RELA: variants seen among roughly 807,000 people sequenced by gnomAD.
RELA encodes transcription factor p65.
RELA carries 14 observed loss-of-function variants against 56.7 expected under a neutral mutation model. The ratio of observed to expected loss-of-function variants is 0.25; its 90% confidence interval spans 0.16 to 0.39. RELA has a LOEUF of 0.39. Among genes scored for constraint, RELA ranks in the 10% least tolerant of loss-of-function variants. The probability of loss-of-function intolerance (pLI) is 1.00; values close to 1 mark genes in which losing one functional copy is unlikely to be tolerated. For synonymous variants in RELA, 315 were observed against 289.7 expected (o/e 1.09, Z -0.89); for missense variants, 559 against 736.4 (o/e 0.76, Z 2.79).
intron 5 of RELA, 134 bp from the exon 6 acceptor site, chr11:65,659,931 A>T: frequency 7.9e-7 from 1 of 1,266,276 alleles, no homozygotes; most frequent in Non-Finnish European, 1.1e-6. Flanking sequence ...GGCAGAACCC[A>T]GCACTGACTC....
Position 65,654,155 on chromosome 11 carries a change from T to C in RELA, c.*223A>G, listed in dbSNP as rs1856353264. On this transcript the variant is annotated 3_prime_UTR_variant, in exon 11 of 11. Transcript: ENST00000406246. ...GGGGAAAAGTTTGAGTTTCCCCAGC[T>C]CCCCCCTTTCCAGAGAAGTTAATGC... is the stretch of plus-strand genomic sequence containing the variant. 5 of 644,552 alleles carry C rather than the reference T, an allele frequency of 7.8e-6. No homozygotes were observed. The South Asian group carries it at 8.2e-5, about 11-fold the overall frequency. The allele number at this position is 644,552 out of a possible 1,614,324, so 39.9% of individuals were successfully genotyped here. A position where few individuals can be genotyped will look rare whatever the true frequency, so the allele number is the denominator to read the frequency against.
At chr11:65,655,378 G>A (rs1022299685) in intron 10 of RELA, 3 of 576,918 alleles carry the variant, frequency 5.2e-6, no homozygotes. Context: ...TTTGAGCCTC[G>A]CACAGGCACA....
Position 65,658,542 on chromosome 11 carries a change from C to G in RELA, c.665-43G>C. The G allele has an allele frequency of 3.3e-6, 5 of 1,507,808 alleles. No homozygotes were observed. The highest frequency in any genetic ancestry group is 4.6e-6 in the Non-Finnish European group (5 of 1,097,136). 93.4% of individuals were successfully genotyped at this position (1,507,808 alleles called of 1,614,324 possible). The stretch of plus-strand genomic sequence containing the variant: ...GCAGTGTGGGTCAGTGTGTCTAACC[C>G]TCCATGGTCTCCCCCTCAACTTCTG... On this transcript the variant is annotated intron_variant, in intron 7 of 10. Coordinates refer to ENST00000406246, the MANE Select transcript of RELA (RefSeq NM_021975.4). The surrounding 1 kb of genome is among the most constrained non-coding windows in gnomAD (Gnocchi z 4.5).
intron 8 of RELA, among the ~76,000 whole-genome samples, chr11:65,657,511 T>C (rs1231830550): frequency 6.6e-6 from 1 of 152,144 alleles, no homozygotes; most frequent in Non-Finnish European, 1.5e-5. Context: ...CCCTCCAATC[T>C]CTGAGCCTGC....
In RELA at chr11:65,655,747, C is replaced by A. The variant is rs762060621; in HGVS notation, c.974G>T (p.Arg325Leu). Residue 325 changes from arginine (R) to leucine (L), a missense_variant, in exon 10 of 11, where the codon CGG becomes CTG. By Grantham distance (102) the Arg-to-Leu change is moderately radical. Coordinates refer to ENST00000406246, the MANE Select transcript of RELA (RefSeq NM_021975.4). The stretch of plus-strand genomic sequence containing the variant: ...CACAGCAATGCGTCGAGGTGGAGGC[C>A]GGGGGTCGGTGGGTCCTGTAGGGCA... ...KSPFSGPTDP[R>L]PPPRRIAVPS... 6.2e-7 allele frequency: 1 copy of A among 1,614,052 alleles called. No individual in the cohort carries two copies. The highest frequency in any genetic ancestry group is 1.1e-5 in the South Asian group (1 of 91,078).
chr11:65,660,393 C>A, intron 4 of RELA, 178 bp from the exon 5 acceptor site: 1 of 619,052 alleles, frequency 1.6e-6, no homozygotes. Context: ...CTGACAAGCA[C>A]CTCCGTGCCC....
Position 65,658,968 on chromosome 11 carries a change from CT to C in RELA, c.560-147del. 1.5e-6 allele frequency: 1 copy of C among 672,334 alleles called. No individual in the cohort carries two copies. The highest frequency in any genetic ancestry group is 1.6e-5 in the South Asian group (1 of 61,264). 41.6% of individuals were successfully genotyped at this position (672,334 alleles called of 1,614,324 possible). A position where few individuals can be genotyped will look rare whatever the true frequency, so the allele number is the denominator to read the frequency against. On this transcript the variant is annotated intron_variant, in intron 6 of 10. Coordinates refer to ENST00000406246, the MANE Select transcript of RELA (RefSeq NM_021975.4). The surrounding 1 kb of genome is among the most constrained non-coding windows in gnomAD (Gnocchi z 4.5). ...ACCTTTGTAGCCAAAGTCAGACCTT[CT>C]TATTAGCTCCTCACCCCAACCGATT...
rs769890889 is a variant in RELA, at chr11:65,659,726, C to G, written c.499G>C (p.Asp167His). 1.9e-6 allele frequency: 3 copies of G among 1,613,970 alleles called. No homozygotes were observed. In the South Asian group the frequency reaches 3.3e-5, roughly 18 times the overall value. ...VRLCFQVTVRDPSGRPLRLPP... is the reference protein window; with the variant it reads ...VRLCFQVTVRHPSGRPLRLPP... ...AGGCGGAGGGGCCTGCCTGATGGGT[C>G]CCGCACTGTCACCTGGAAGCAGAGC... Residue 167 changes from aspartate to histidine, a missense_variant, in exon 6 of 11, where the codon GAC becomes CAC. Asp to His is a moderately conservative substitution (Grantham distance 81, BLOSUM62 -1). Coordinates refer to ENST00000406246, the MANE Select transcript of RELA (RefSeq NM_021975.4).
At chr11:65,655,501 A>G (rs1454027410) in intron 10 of RELA, 187 bp downstream of exon 10, 26 of 606,364 alleles carry the variant, frequency 4.3e-5, no homozygotes, top group Non-Finnish European at 7.4e-5. Context: ...ATAGAATTTA[A>G]GTGGCACGGT....
upstream of RELA, among the ~76,000 whole-genome samples, chr11:65,663,450 C>T (rs1302912469): frequency 6.6e-6 from 1 of 152,050 alleles, no homozygotes; most frequent in Admixed American, 6.6e-5. Context: ...GGAATGGGAG[C>T]GGCCGGACCT....
chr11:65,661,190 G>C (rs1011577556), intron 4 of RELA, among the ~76,000 whole-genome samples: 3 of 152,100 alleles, frequency 2.0e-5, no homozygotes, highest in South Asian at 4.1e-4. Context: ...ACCATACCCA[G>C]CTAATTTCTT....
At chr11:65,660,397 C>G (rs182787972) in intron 4 of RELA, 182 bp from the exon 5 acceptor site, 1 of 617,592 alleles carries the variant, frequency 1.6e-6, no homozygotes, top group Non-Finnish European at 2.9e-6. Context: ...CAAGCACCTC[C>G]GTGCCCCTGC....
At position 65,658,885 on chromosome 11, in the gene RELA, G is replaced by T; in HGVS notation, c.560-63C>A. 1 of 1,379,272 alleles carries T rather than the reference G, an allele frequency of 7.3e-7. No individual in the cohort carries two copies. Among genetic ancestry groups the T allele is most frequent in the South Asian group, 1.2e-5 (1 of 86,400 alleles). 85.4% of individuals were successfully genotyped at this position (1,379,272 alleles called of 1,614,324 possible). A position where few individuals can be genotyped will look rare whatever the true frequency, so the allele number is the denominator to read the frequency against. On this transcript the variant is annotated intron_variant, in intron 6 of 10. Coordinates refer to ENST00000406246, the MANE Select transcript of RELA (RefSeq NM_021975.4). The surrounding 1 kb of genome is among the most constrained non-coding windows in gnomAD (Gnocchi z 4.5). Reference sequence around the variant, plus strand: ...CGAGAGGTCCCCAGGGTGGCCTGCAGGAGATGCAACTTCCCTGCCCAGCCC... The same window carrying T: ...CGAGAGGTCCCCAGGGTGGCCTGCATGAGATGCAACTTCCCTGCCCAGCCC...
chr11:65,657,642 T>C (rs2135558051), intron 8 of RELA, among the ~76,000 whole-genome samples: 1 of 152,324 alleles, frequency 6.6e-6, no homozygotes, highest in South Asian at 2.1e-4. Context: ...TGTGTCTTTC[T>C]CCAGCTTCAA....
chr11:65,659,666 G>A lies in RELA; in HGVS notation c.559C>T (p.Arg187Cys). The A allele has an allele frequency of 1.2e-6, 2 of 1,613,492 alleles. No homozygotes were observed. Among genetic ancestry groups the A allele is most frequent in the African/African-American group, 1.3e-5 (1 of 75,038 alleles). The change falls in exon 6 of 11, where the codon CGT (arginine) becomes TGT (cysteine). Residue 187 changes from arginine to cysteine, a missense_variant and splice_region_variant. By Grantham distance (180) the Arg-to-Cys change is radical. Coordinates refer to ENST00000406246, the MANE Select transcript of RELA (RefSeq NM_021975.4). ...PVLSHPIFDNRAPNTAELKIC... is the reference protein window; with the variant it reads ...PVLSHPIFDNCAPNTAELKIC... Reference sequence around the variant, plus strand: ...TTCCTGCGTCTCCCTCGCTACTCACGATTGTCAAAGATGGGATGAGAAAGG... The same window carrying A: ...TTCCTGCGTCTCCCTCGCTACTCACAATTGTCAAAGATGGGATGAGAAAGG...
chr11:65,662,707 G>T, intron 1 of RELA, 119 bp downstream of exon 1: 3 of 831,694 alleles, frequency 3.6e-6, no homozygotes, highest in South Asian at 1.2e-4. Flanking sequence ...CCGGCAGGCC[G>T]ACCGCTCCCT....
chr11:65,658,867 T>G lies in RELA; in HGVS notation c.560-45A>C, dbSNP rs767558127. The G allele has an allele frequency of 1.3e-6, 2 of 1,538,482 alleles. No homozygotes were observed. Among genetic ancestry groups the G allele is most frequent in the Admixed American group, 1.7e-5 (1 of 59,866 alleles). On this transcript the variant is annotated intron_variant, in intron 6 of 10. Coordinates refer to ENST00000406246, the MANE Select transcript of RELA (RefSeq NM_021975.4). The surrounding 1 kb of genome is among the most constrained non-coding windows in gnomAD (Gnocchi z 4.5). Reference sequence around the variant, plus strand: ...GGAGGATGACCTGAGCCACGAGAGGTCCCCAGGGTGGCCTGCAGGAGATGC... The same window carrying G: ...GGAGGATGACCTGAGCCACGAGAGGGCCCCAGGGTGGCCTGCAGGAGATGC...
In RELA at chr11:65,654,204, G is replaced by GA. The variant is rs1158673198; in HGVS notation, c.*173dup. On this transcript the variant is annotated 3_prime_UTR_variant, in exon 11 of 11. Transcript: ENST00000406246. The stretch of plus-strand genomic sequence containing the variant: ...GCTTCTGCTTAAGCACCTCCAAAAA[G>GA]AGAGAGAGATACAGATACTGACAAT... The GA allele has an allele frequency of 2.4e-6, 2 of 830,098 alleles. No homozygotes were observed. The highest frequency in any genetic ancestry group is 4.0e-6 in the Non-Finnish European group (2 of 498,714). 51.4% of individuals were successfully genotyped at this position (830,098 alleles called of 1,614,324 possible).
Position 65,658,505 on chromosome 11 carries a change from G to A in RELA, c.665-6C>T. On this transcript the variant is annotated splice_region_variant and splice_polypyrimidine_tract_variant and intron_variant, in intron 7 of 10. Coordinates refer to ENST00000406246, the MANE Select transcript of RELA (RefSeq NM_021975.4). The surrounding 1 kb of genome is among the most constrained non-coding windows in gnomAD (Gnocchi z 4.5). ...GAAATACACCTCAATGTCCTCTGCA[G>A]GAGATGCGGTGGCAGTGTGGGTCAG... 2 of 1,595,380 alleles carry A rather than the reference G, an allele frequency of 1.3e-6. No individual in the cohort carries two copies. Among genetic ancestry groups the A allele is most frequent in the Non-Finnish European group, 1.7e-6 (2 of 1,166,748 alleles).
Sources: allele counts gnomAD v4.1 joint callset (sites outside exome capture counted in the v4.1 genomes callset), GRCh38; gene constraint gnomAD v4.1.1; non-coding constraint Gnocchi (gnomAD v3.1); transcripts MANE v1.5; gene names NCBI Gene and HGNC (gene_info 2026-07-23, HGNC 2026-07-21).